The following RALGAPA1 variants were observed in gnomAD, a reference collection of about 807,000 sequenced individuals.
The protein encoded by RALGAPA1 is ral GTPase-activating protein subunit alpha-1.
Under a neutral mutation model 269.6 loss-of-function variants are expected in RALGAPA1, and 52 were observed. The observed-to-expected ratio is 0.19, with a 90% CI of 0.15 to 0.24. RALGAPA1 has a LOEUF of 0.24. Ranked by LOEUF, RALGAPA1 falls within the 10% of genes least tolerant of loss-of-function variation. RALGAPA1 has a pLI of 1.00. For missense variants in RALGAPA1, 1,917 were observed against 3,013.9 expected (o/e 0.64, Z 8.52); for synonymous variants, 817 against 1,008.3 (o/e 0.81, Z 3.60).
chr14:35,702,444 C>T (rs551755878), intron 16 of RALGAPA1, among the ~76,000 whole-genome samples: 1 of 152,192 alleles, frequency 6.6e-6, no homozygotes. Flanking sequence ...TATGGCTTAC[C>T]ATGCTGTGTA....
chr14:35,804,394 C>A (rs2077203904), intron 1 of RALGAPA1, among the ~76,000 whole-genome samples: 1 of 151,394 alleles, frequency 6.6e-6, no homozygotes, highest in African/African-American at 2.4e-5. Context: ...CATGGTGAAA[C>A]CCTGTCTCTA....
intron 31 of RALGAPA1, among the ~76,000 whole-genome samples, chr14:35,648,657 C>G (rs1228635524): frequency 2.0e-5 from 3 of 147,636 alleles, no homozygotes; most frequent in Non-Finnish European, 4.5e-5. Flanking sequence ...CAATAATTAG[C>G]TGGGCATGGT....
intron 36 of RALGAPA1, among the ~76,000 whole-genome samples, chr14:35,601,254 A>G (rs985414393): frequency 1.3e-5 from 2 of 152,206 alleles, no homozygotes. Context: ...TGGCGATGGA[A>G]TTCTACATTT....
At position 35,634,742 on chromosome 14, in the gene RALGAPA1, C is replaced by T. The variant is rs773528451; in HGVS notation, c.5827G>A (p.Val1943Ile). ...TTGCTAAAACACTGAGCTCCATAAA[C>T]ACACCCATGTAAAACCTGAAAATAC... ...NCIYKVLHGC[V>I]YGAQCFSNPR... Residue 1943 changes from valine (V) to isoleucine (I), a missense_variant, in exon 33 of 42, where the codon GTT becomes ATT. Around this residue, in one of 11 missense-constraint regions of RALGAPA1, gnomAD observed 346 missense variants for 566.1 expected, o/e 0.61. Coordinates refer to ENST00000680220, the MANE Select transcript of RALGAPA1 (RefSeq NM_001346249.2). 1 of 1,605,210 alleles carries T rather than the reference C, an allele frequency of 6.2e-7. No individual in the cohort carries two copies. Among genetic ancestry groups the T allele is most frequent in the Admixed American group, 1.7e-5 (1 of 58,928 alleles).
intron 39 of RALGAPA1, 146 bp from the exon 40 acceptor site, chr14:35,549,380 T>TATAA: frequency 1.2e-6 from 1 of 828,086 alleles, no homozygotes; most frequent in Non-Finnish European, 1.7e-6. Context: ...GTTAACAGTA[T>TATAA]GGCTTTTTAA....
intron 36 of RALGAPA1, among the ~76,000 whole-genome samples, chr14:35,597,890 C>CT (rs1422108564): frequency 6.6e-6 from 1 of 152,176 alleles, no homozygotes; most frequent in African/African-American, 2.4e-5. Context: ...AGGACATACT[C>CT]TATTATTTCA....
intron 35 of RALGAPA1, among the ~76,000 whole-genome samples, chr14:35,607,004 AAT>A (rs200047007): frequency 0.015 from 2,351 of 152,312 alleles, 26 homozygotes; most frequent in South Asian, 0.03. Flanking sequence ...TAAGCAGTAA[AAT>A]ATGATTTGGG....
At chr14:35,597,558 T>G (rs571532909) in intron 36 of RALGAPA1, among the ~76,000 whole-genome samples, 1 of 152,202 alleles carries the variant, frequency 6.6e-6, no homozygotes, top group South Asian at 2.1e-4. Context: ...AGAAATCCCA[T>G]GTACACTTTA....
chr14:35,607,048 G>GGTT (rs2059643392), intron 35 of RALGAPA1, among the ~76,000 whole-genome samples: 2 of 152,126 alleles, frequency 1.3e-5, no homozygotes, highest in South Asian at 4.2e-4. Flanking sequence ...GCAGAATAAG[G>GGTT]GTCTACACAG....
chr14:35,626,957 C>CA (rs1355680277), intron 34 of RALGAPA1, 133 bp downstream of exon 34: 10 of 864,112 alleles, frequency 1.2e-5, no homozygotes, highest in East Asian at 3.2e-5. Context: ...AAAAAATCTG[C>CA]AAAAAAATGA....
intron 37 of RALGAPA1, among the ~76,000 whole-genome samples, chr14:35,577,101 A>C (rs564405221): frequency 6.6e-6 from 1 of 152,282 alleles, no homozygotes; most frequent in Non-Finnish European, 1.5e-5. Flanking sequence ...TGATCACTAC[A>C]CTTCATTATC....
At chr14:35,716,145 G>C in intron 16 of RALGAPA1, 1 of 952,690 alleles carries the variant, frequency 1.0e-6, no homozygotes. Flanking sequence ...TATAATCCCA[G>C]CACTTTGGGA....
At chr14:35,746,519 T>G (rs1464788613) in intron 10 of RALGAPA1, among the ~76,000 whole-genome samples, 1 of 152,186 alleles carries the variant, frequency 6.6e-6, no homozygotes, top group Non-Finnish European at 1.5e-5. Flanking sequence ...AATGTACACC[T>G]TAAATATATA....
In RALGAPA1 at chr14:35,654,487, T is replaced by TA. The variant is rs749420748; in HGVS notation, c.5497-11dup. ...CTGTTTTATTAGTAAACTGCAATAATAAAAAAAAAGTTTTAAAAATTTTCA... is the reference window on the plus strand; with the variant it reads ...CTGTTTTATTAGTAAACTGCAATAATAAAAAAAAAAGTTTTAAAAATTTTCA... On this transcript the variant is annotated splice_polypyrimidine_tract_variant and intron_variant, in intron 29 of 41. Transcript: ENST00000680220. 48 of 1,568,558 alleles carry TA rather than the reference T, an allele frequency of 3.1e-5. No individual in the cohort carries two copies. The highest frequency in any genetic ancestry group is 1.7e-4 in the South Asian group (14 of 81,970).
chr14:35,761,218 A>C (rs2073671384), intron 5 of RALGAPA1, among the ~76,000 whole-genome samples: 1 of 152,164 alleles, frequency 6.6e-6, no homozygotes, highest in African/African-American at 2.4e-5. Flanking sequence ...GTATAGAATG[A>C]ACTTGTTCTC....
intron 1 of RALGAPA1, among the ~76,000 whole-genome samples, chr14:35,785,181 T>C (rs1343447388): frequency 6.6e-6 from 1 of 152,256 alleles, no homozygotes; most frequent in Non-Finnish European, 1.5e-5. Context: ...TCTGGAAATT[T>C]AAAATCTAAA....
chr14:35,776,843 C>T (rs917597864), intron 1 of RALGAPA1, among the ~76,000 whole-genome samples: 2 of 151,660 alleles, frequency 1.3e-5, no homozygotes, highest in Admixed American at 6.6e-5. Flanking sequence ...ACGTTGTGCA[C>T]GTGTACCCTA....
chr14:35,663,572 G>A (rs186441097), intron 27 of RALGAPA1, among the ~76,000 whole-genome samples: 1 of 149,958 alleles, frequency 6.7e-6, no homozygotes, highest in East Asian at 2.0e-4. Context: ...TCTCAGGACT[G>A]TTAAACCCTT....
chr14:35,605,793 A>AT, intron 35 of RALGAPA1, 84 bp from the exon 36 acceptor site: 1 of 1,448,264 alleles, frequency 6.9e-7, no homozygotes, highest in East Asian at 2.4e-5. Context: ...TGTACAAAGT[A>AT]TGTAGCAATA....
Sources: allele counts gnomAD v4.1 joint callset (sites outside exome capture counted in the v4.1 genomes callset), GRCh38; gene constraint gnomAD v4.1.1; regional missense constraint gnomAD v4.1.1; transcripts MANE v1.5; gene names NCBI Gene and HGNC (gene_info 2026-07-23, HGNC 2026-07-21).